The following PCDHGB7 variants were observed in gnomAD, a reference collection of about 807,000 sequenced individuals.
PCDHGB7 encodes protocadherin gamma-B7.
A neutral mutation model predicts 61.4 loss-of-function variants in PCDHGB7; 37 were observed. The ratio of observed to expected loss-of-function variants is 0.60; its 90% CI spans 0.46 to 0.79. The LOEUF (loss-of-function observed/expected upper bound fraction) is 0.79, where lower values mean the gene tolerates loss of function less well. PCDHGB7 is among the 30% of genes least tolerant of loss of function. The pLI, the probability that PCDHGB7 is intolerant of heterozygous loss-of-function variation, is 0.00. For synonymous variants in PCDHGB7, 464 were observed against 503.5 expected, an observed-to-expected ratio of 0.92 and a Z score of 1.05; for missense variants, 1,166 against 1,202.5, an observed-to-expected ratio of 0.97 and a Z score of 0.45.
At chr5:141,506,164 G>A (rs959032250) in intron 3 of PCDHGB7, among the ~76,000 whole-genome samples, 17 of 152,140 alleles carry the variant, frequency 1.1e-4, no homozygotes, top group Non-Finnish European at 2.4e-4. Context: ...TAAGAGCACA[G>A]CCTAAGCTGG....
At chr5:141,437,032 C>T (rs2097859215) in intron 1 of PCDHGB7, among the ~76,000 whole-genome samples, 1 of 152,182 alleles carries the variant, frequency 6.6e-6, no homozygotes, top group Admixed American at 6.5e-5. Context: ...GAAAATGGAT[C>T]ACCGAAACCA....
In PCDHGB7 at chr5:141,486,269, G is replaced by T; in HGVS notation, c.2416-8538G>T. 6.2e-7 allele frequency: 1 copy of T among 1,613,996 alleles called. No homozygotes were observed. The highest frequency in any genetic ancestry group is 8.5e-7 in the Non-Finnish European group (1 of 1,179,956). On this transcript the variant is annotated intron_variant, in intron 1 of 3. Transcript: ENST00000398594. The surrounding 1 kb of genome is among the most constrained non-coding windows in gnomAD (Gnocchi z 5.0). ...AACCCTCCCCGAGAGTGCAGAACCT[G>T]GCACTGTGGTGGCACTTATCAGTGT...
intron 1 of PCDHGB7, among the ~76,000 whole-genome samples, chr5:141,437,164 T>C (rs1262289843): frequency 1.3e-5 from 2 of 152,226 alleles, no homozygotes; most frequent in Non-Finnish European, 2.9e-5. Flanking sequence ...GTGTTGATTG[T>C]TTTCTGAGAC....
At chr5:141,449,266 G>T (rs1398403120) in intron 1 of PCDHGB7, among the ~76,000 whole-genome samples, 1 of 152,042 alleles carries the variant, frequency 6.6e-6, no homozygotes, top group Non-Finnish European at 1.5e-5. Context: ...ACAAAGAACT[G>T]TATCTCCTTC....
Position 141,432,593 on chromosome 5 carries a change from A to G in PCDHGB7, c.2415+12319A>G, listed in dbSNP as rs2097518945. ...GCTGTCCTACCGTCTGCTCAAGGCC[A>G]GCGAGCCGGGACTCTTCTCGGTGGG... On this transcript the variant is annotated intron_variant, in intron 1 of 3. Transcript: ENST00000398594. The surrounding 1 kb of genome is among the most constrained non-coding windows in gnomAD (Gnocchi z 6.0). 6.2e-7 allele frequency: 1 copy of G among 1,612,958 alleles called. No individual in the cohort carries two copies. Among genetic ancestry groups the G allele is most frequent in the Non-Finnish European group, 8.5e-7 (1 of 1,179,834 alleles).
intron 2 of PCDHGB7, among the ~76,000 whole-genome samples, chr5:141,503,351 C>T (rs1186394919): frequency 6.6e-6 from 1 of 151,994 alleles, no homozygotes; most frequent in Admixed American, 6.6e-5. Context: ...AATTCCAGCA[C>T]TTTGGGAAGC....
rs757308340 is a variant in PCDHGB7, at chr5:141,487,575, G to A, written c.2416-7232G>A. ...GCACCTATGGCAGGGGAGCCTGTTC[G>A]CCCAAGCTGCCCACCCTCTGATCTT... On this transcript the variant is annotated intron_variant, in intron 1 of 3. Coordinates refer to ENST00000398594, the MANE Select transcript of PCDHGB7 (RefSeq NM_018927.4). This position sits in a 1 kb window ranked among gnomAD's most constrained non-coding sequence, Gnocchi z 5.0. The A allele has an allele frequency of 3.1e-6, 5 of 1,614,018 alleles. No homozygotes were observed. In the African/African-American group the frequency reaches 4.0e-5, roughly 13 times the overall value.
intron 1 of PCDHGB7, among the ~76,000 whole-genome samples, chr5:141,450,829 ATTT>A (rs373424450): frequency 7.4e-6 from 1 of 135,126 alleles, no homozygotes; most frequent in African/African-American, 2.7e-5. Flanking sequence ...TATTATTATT[ATTT>A]TTTTTTTTTT....
intron 1 of PCDHGB7, among the ~76,000 whole-genome samples, chr5:141,424,908 C>G (rs910592644): frequency 1.3e-5 from 2 of 152,184 alleles, no homozygotes; most frequent in Non-Finnish European, 2.9e-5. Context: ...TCACAGGAAT[C>G]ATTTCCATAA....
Position 141,489,515 on chromosome 5 carries a change from G to C in PCDHGB7, c.2416-5292G>C, listed in dbSNP as rs983415025. On this transcript the variant is annotated intron_variant, in intron 1 of 3. Coordinates refer to ENST00000398594, the MANE Select transcript of PCDHGB7 (RefSeq NM_018927.4). The surrounding 1 kb of genome is among the most constrained non-coding windows in gnomAD (Gnocchi z 4.5). ...CTGGCAGTGAATCAAAAGATTGACC[G>C]AGAAAGCCTATGTGGAGCCAGCACC... 1 of 1,614,104 alleles carries C rather than the reference G, an allele frequency of 6.2e-7. No individual in the cohort carries two copies. The highest frequency in any genetic ancestry group is 8.5e-7 in the Non-Finnish European group (1 of 1,180,034).
In PCDHGB7 at chr5:141,432,460, C is replaced by T; in HGVS notation, c.2415+12186C>T. The T allele has an allele frequency of 6.2e-7, 1 of 1,614,208 alleles. No homozygotes were observed. The highest frequency in any genetic ancestry group is 8.5e-7 in the Non-Finnish European group (1 of 1,180,044). On this transcript the variant is annotated intron_variant, in intron 1 of 3. Transcript: ENST00000398594. This position sits in a 1 kb window ranked among gnomAD's most constrained non-coding sequence, Gnocchi z 6.0. ...CGCCCGAGATCCTGTACCCCGCCCTCCCCACGGACGGTTCCACTGGCGTGG... is the reference window on the plus strand; with the variant it reads ...CGCCCGAGATCCTGTACCCCGCCCTTCCCACGGACGGTTCCACTGGCGTGG...
Position 141,490,911 on chromosome 5 carries a change from G to C in PCDHGB7, c.2416-3896G>C. On this transcript the variant is annotated intron_variant, in intron 1 of 3. Coordinates refer to ENST00000398594, the MANE Select transcript of PCDHGB7 (RefSeq NM_018927.4). The surrounding 1 kb of genome is among the most constrained non-coding windows in gnomAD (Gnocchi z 5.4). ...CTCTGCATGTGTTTGTCCTAGACGA[G>C]AATGATAATGCCCCAGCTGTGCTGC... is the stretch of plus-strand genomic sequence containing the variant. The C allele has an allele frequency of 6.2e-7, 1 of 1,613,722 alleles. No homozygotes were observed. Among genetic ancestry groups the C allele is most frequent in the East Asian group, 2.2e-5 (1 of 44,870 alleles).
intron 1 of PCDHGB7, among the ~76,000 whole-genome samples, chr5:141,452,947 G>C (rs2098752833): frequency 6.6e-6 from 1 of 152,144 alleles, no homozygotes; most frequent in Non-Finnish European, 1.5e-5. Flanking sequence ...GCTTGCAATT[G>C]GTTGTCTTTA....
Position 141,419,837 on chromosome 5 carries a change from C to G in PCDHGB7, c.1978C>G (p.Leu660Val), listed in dbSNP as rs778271441. Residue 660 changes from leucine to valine, a missense_variant, in exon 1 of 4, where the codon CTG becomes GTG. Leu to Val is a conservative substitution (Grantham distance 32). Coordinates refer to ENST00000398594, the MANE Select transcript of PCDHGB7 (RefSeq NM_018927.4). ...GCCACCCCTTTCAGCCACTGCCACG[C>G]TGCACCTGGTGTTCGCAGATAGCTT... ...GQPPLSATAT[L>V]HLVFADSLQE... 2 of 1,614,090 alleles carry G rather than the reference C, an allele frequency of 1.2e-6. No individual in the cohort carries two copies. The highest frequency in any genetic ancestry group is 2.2e-5 in the South Asian group (2 of 91,090).
rs1446432461 is a variant in PCDHGB7, at chr5:141,511,005, C to G, written c.2622C>G (p.Ala874=). 6.2e-7 allele frequency: 1 copy of G among 1,614,176 alleles called. No individual in the cohort carries two copies. Among genetic ancestry groups the G allele is most frequent in the Middle Eastern group, 1.6e-4 (1 of 6,062 alleles). ...GGGAGTMGLS[A]RYGPQFTLQH... is the part of the protein sequence containing the mutation. ...GTGCCGGCACCATGGGATTGAGCGC[C>G]CGCTACGGACCCCAGTTCACCCTGC... Residue 874 remains alanine, a synonymous_variant, in exon 4 of 4, where the codon GCC becomes GCG. Coordinates refer to ENST00000398594, the MANE Select transcript of PCDHGB7 (RefSeq NM_018927.4).
chr5:141,491,564 G>A lies in PCDHGB7; in HGVS notation c.2416-3243G>A, dbSNP rs2099721154. On this transcript the variant is annotated intron_variant, in intron 1 of 3. Coordinates refer to ENST00000398594, the MANE Select transcript of PCDHGB7 (RefSeq NM_018927.4). The surrounding 1 kb of genome is among the most constrained non-coding windows in gnomAD (Gnocchi z 6.9). Reference sequence around the variant, plus strand: ...ACAGACTCGCAGAGCCACTGCTACAGGACGTGCTTTTCACCGGCCTCGGAC... The same window carrying A: ...ACAGACTCGCAGAGCCACTGCTACAAGACGTGCTTTTCACCGGCCTCGGAC... The A allele has an allele frequency of 3.1e-6, 5 of 1,613,878 alleles. No individual in the cohort carries two copies. Among genetic ancestry groups the A allele is most frequent in the Non-Finnish European group, 8.5e-7 (1 of 1,180,042 alleles).
Position 141,487,682 on chromosome 5 carries a change from G to A in PCDHGB7, c.2416-7125G>A, listed in dbSNP as rs757434520. On this transcript the variant is annotated intron_variant, in intron 1 of 3. Transcript: ENST00000398594. This position sits in a 1 kb window ranked among gnomAD's most constrained non-coding sequence, Gnocchi z 5.0. ...TGATCCAGGCATATGGCTAGGCCATGTCCTAGAGAGTACTGGCCTCTCAGT... is the reference window on the plus strand; with the variant it reads ...TGATCCAGGCATATGGCTAGGCCATATCCTAGAGAGTACTGGCCTCTCAGT... The A allele has an allele frequency of 1.2e-6, 2 of 1,607,256 alleles. No individual in the cohort carries two copies. Among genetic ancestry groups the A allele is most frequent in the East Asian group, 4.5e-5 (2 of 44,762 alleles).
chr5:141,432,589 G>T lies in PCDHGB7; in HGVS notation c.2415+12315G>T. ...CCTGGCTGTCCTACCGTCTGCTCAA[G>T]GCCAGCGAGCCGGGACTCTTCTCGG... On this transcript the variant is annotated intron_variant, in intron 1 of 3. Transcript: ENST00000398594. The surrounding 1 kb of genome is among the most constrained non-coding windows in gnomAD (Gnocchi z 6.0). 1 of 1,613,916 alleles carries T rather than the reference G, an allele frequency of 6.2e-7. No individual in the cohort carries two copies. Among genetic ancestry groups the T allele is most frequent in the Non-Finnish European group, 8.5e-7 (1 of 1,179,974 alleles).
intron 1 of PCDHGB7, chr5:141,421,690 C>T: frequency 6.2e-7 from 1 of 1,613,948 alleles, no homozygotes. Context: ...GCGATTTGCT[C>T]TTCCTAATGC....
Sources: allele counts gnomAD v4.1 joint callset (sites outside exome capture counted in the v4.1 genomes callset), GRCh38; gene constraint gnomAD v4.1.1; non-coding constraint Gnocchi (gnomAD v3.1); transcripts MANE v1.5; gene names NCBI Gene and HGNC (gene_info 2026-07-23, HGNC 2026-07-21).